CCNY: variants seen among roughly 807,000 people sequenced by gnomAD.
CCNY encodes cyclin-Y.
A neutral mutation model predicts 42.8 loss-of-function variants in CCNY; 19 were observed. The observed-to-expected ratio is 0.44, with a 90% CI of 0.31 to 0.65. CCNY has a LOEUF of 0.65. CCNY is among the 30% of genes least tolerant of loss of function. The pLI is 0.07. For synonymous variants in CCNY, 165 were observed against 162.7 expected (o/e 1.01, Z -0.11); for missense variants, 370 against 437.3 (o/e 0.85, Z 1.37).
chr10:35,522,340 C>T (rs946516553), intron 4 of CCNY, among the ~76,000 whole-genome samples: 9 of 152,330 alleles, frequency 5.9e-5, no homozygotes, highest in Middle Eastern at 6.8e-3. Context: ...ATCCATCCAC[C>T]TGCCTTTGCG....
At chr10:35,370,420 G>T (rs1285903301) in intron 1 of CCNY, among the ~76,000 whole-genome samples, 2 of 151,930 alleles carry the variant, frequency 1.3e-5, no homozygotes, top group African/African-American at 4.8e-5. Context: ...CAGAGTGTTG[G>T]GATTACAGGC....
At chr10:35,543,691 CCTT>C (rs1315533111) in intron 7 of CCNY, among the ~76,000 whole-genome samples, 3 of 145,528 alleles carry the variant, frequency 2.1e-5, no homozygotes, top group African/African-American at 5.0e-5. Context: ...AGAATGTACT[CCTT>C]CTACTTATTT....
chr10:35,361,073 G>C (rs1017901603), intron 1 of CCNY, among the ~76,000 whole-genome samples: 2 of 151,950 alleles, frequency 1.3e-5, no homozygotes, highest in African/African-American at 4.8e-5. Flanking sequence ...TGGTCAGGCT[G>C]GTCTCGAACT....
In CCNY at chr10:35,383,066, G is replaced by C. The variant is rs550115740; in HGVS notation, c.154+45859G>C. 6.6e-5 allele frequency among the ~76,000 whole-genome samples: 10 copies of C among 152,122 alleles called. No individual in the cohort carries two copies. In the East Asian group the frequency reaches 1.6e-3, roughly 24 times the overall value. ...ACATGGATCGAAAACGCAATATTTC[G>C]GGATGCAAAACCTGCGTGACCAAGA... On this transcript the variant is annotated intron_variant, in intron 1 of 9. Transcript: ENST00000374704.
chr10:35,262,925 G>A (rs1425172496), intron 3 of CCNY, among the ~76,000 whole-genome samples: 4 of 147,644 alleles, frequency 2.7e-5, no homozygotes, highest in Non-Finnish European at 3.0e-5. Flanking sequence ...GTTCTAAAAG[G>A]AAAAAAAAAA....
chr10:35,367,874 A>T (rs1836843128), intron 1 of CCNY, among the ~76,000 whole-genome samples: 1 of 152,080 alleles, frequency 6.6e-6, no homozygotes, highest in South Asian at 2.1e-4. Flanking sequence ...TTTTGCCTAT[A>T]CTCCTAATGA....
At chr10:35,532,937 A>C (rs1367099328) in intron 7 of CCNY, among the ~76,000 whole-genome samples, 1 of 152,254 alleles carries the variant, frequency 6.6e-6, no homozygotes, top group South Asian at 2.1e-4. Context: ...TGGAAGGTCC[A>C]GGCAGGTCTC....
At chr10:35,265,883 A>T (rs2095724641) in intron 3 of CCNY, among the ~76,000 whole-genome samples, 1 of 152,172 alleles carries the variant, frequency 6.6e-6, no homozygotes, top group Admixed American at 6.6e-5. Flanking sequence ...ACGCTGTCAG[A>T]GTCACACCTG....
intron 7 of CCNY, among the ~76,000 whole-genome samples, chr10:35,545,111 C>A (rs1218405340): frequency 6.6e-6 from 1 of 152,146 alleles, no homozygotes; most frequent in Non-Finnish European, 1.5e-5. Flanking sequence ...TTCCAGTGTT[C>A]AAAGAAACCC....
chr10:35,433,443 G>A (rs1294490219), intron 1 of CCNY, among the ~76,000 whole-genome samples: 1 of 151,966 alleles, frequency 6.6e-6, no homozygotes, highest in Non-Finnish European at 1.5e-5. Flanking sequence ...TATTTGACAG[G>A]TTCTTGTCAA....
intron 2 of CCNY, among the ~76,000 whole-genome samples, chr10:35,489,076 G>T (rs889925145): frequency 6.6e-6 from 1 of 152,222 alleles, no homozygotes; most frequent in East Asian, 1.9e-4. Flanking sequence ...TCAGGAGATC[G>T]AGACCATCCT....
intron 1 of CCNY, among the ~76,000 whole-genome samples, chr10:35,344,917 A>G (rs1836266374): frequency 6.6e-6 from 1 of 152,166 alleles, no homozygotes; most frequent in Admixed American, 6.5e-5. Context: ...ATCATTTTTT[A>G]TGGCTGCATA....
chr10:35,493,809 C>G (rs4934549), intron 2 of CCNY, among the ~76,000 whole-genome samples: 42,857 of 152,068 alleles, frequency 0.28, 6,376 homozygotes, highest in Admixed American at 0.36. Context: ...AAGCACCGAG[C>G]CCTGTACGTA....
intron 7 of CCNY, among the ~76,000 whole-genome samples, chr10:35,535,441 C>T (rs1160758012): frequency 1.3e-5 from 2 of 152,138 alleles, no homozygotes; most frequent in African/African-American, 4.8e-5. Context: ...ATCATATAGC[C>T]TCCAGTGGAA....
At chr10:35,453,438 A>G (rs987426980) in intron 1 of CCNY, among the ~76,000 whole-genome samples, 4 of 152,214 alleles carry the variant, frequency 2.6e-5, no homozygotes, top group African/African-American at 9.6e-5. Context: ...TTTATAATCA[A>G]TATGGTAATG....
intron 3 of CCNY, among the ~76,000 whole-genome samples, chr10:35,253,414 A>ATTTTT (rs61405875): frequency 6.7e-5 from 6 of 89,030 alleles, no homozygotes; most frequent in South Asian, 3.7e-4. Context: ...CATGCTCACT[A>ATTTTT]TTTTTTTTTT....
chr10:35,521,754 G>A (rs920870452), intron 4 of CCNY, among the ~76,000 whole-genome samples: 3 of 152,264 alleles, frequency 2.0e-5, no homozygotes, highest in Non-Finnish European at 2.9e-5. Context: ...TCCAGGGGCC[G>A]GATGGCACCC....
rs1358776673 is a variant in CCNY, at chr10:35,572,578, C to T, written c.*3408C>T. 1 of 152,108 alleles carries T rather than the reference C, an allele frequency of 6.6e-6. No individual in the cohort carries two copies. The highest frequency in any genetic ancestry group is 1.5e-5 in the Non-Finnish European group (1 of 68,038). 9.4% of individuals were successfully genotyped at this position (152,108 alleles called of 1,614,324 possible). ...TACAGGCGTGAGCCACTGCCCCTGG[C>T]CCAGATTTGAAATTTTTTAAAAATA... On this transcript the variant is annotated 3_prime_UTR_variant, in exon 10 of 10. Coordinates refer to ENST00000374704, the MANE Select transcript of CCNY (RefSeq NM_145012.6).
intron 7 of CCNY, among the ~76,000 whole-genome samples, chr10:35,550,263 G>A (rs1589199461): frequency 6.6e-6 from 1 of 151,038 alleles, no homozygotes; most frequent in East Asian, 2.0e-4. Flanking sequence ...ACCCTGTGCT[G>A]CTCATAGTCC....
Sources: gnomAD v4.1 joint callset for allele counts (sites outside exome capture counted in the v4.1 genomes callset) on GRCh38, gnomAD v4.1.1 for gene constraint, MANE v1.5 for transcripts, NCBI Gene and HGNC (gene_info 2026-07-23, HGNC 2026-07-21) for gene names.